DGKG: variants seen among roughly 807,000 people sequenced by gnomAD.
The protein encoded by DGKG is diacylglycerol kinase gamma.
In DGKG, 78 loss-of-function variants were observed where a neutral mutation model predicts 105.3. The ratio of observed to expected loss-of-function variants is 0.74; its 90% confidence interval spans 0.62 to 0.89. The LOEUF (loss-of-function observed/expected upper bound fraction) is 0.89, where lower values mean the gene tolerates loss of function less well. DGKG is among the 40% of genes least tolerant of loss of function. The pLI, the probability that DGKG is intolerant of heterozygous loss-of-function variation, is 0.00. For missense variants in DGKG, 958 were observed against 1,020.1 expected (o/e 0.94, Z 0.83); for synonymous variants, 346 against 367.1 (o/e 0.94, Z 0.66).
rs199698541 is a variant in DGKG, at chr3:186,272,320, G to A, written c.934C>T (p.Arg312Cys). 127 of 1,613,670 alleles carry A rather than the reference G, an allele frequency of 7.9e-5. No homozygotes were observed. The highest frequency in any genetic ancestry group is 5.6e-4 in the East Asian group (25 of 44,864). The change falls in exon 11 of 25, where the codon CGC becomes TGC. Residue 312 changes from arginine (R) to cysteine (C), a missense_variant. Arg to Cys is a radical substitution (Grantham distance 180). Coordinates refer to ENST00000265022, the MANE Select transcript of DGKG (RefSeq NM_001346.3). ...CCAGGAATGTTTCTGGACACACAGC[G>A]TTCGTGGACAGTGTATTTACAGTCT... ...CTYCKYTVHERCVSRNIPGCV... is the reference protein window; with the variant it reads ...CTYCKYTVHECCVSRNIPGCV...
chr3:186,314,005 TC>T (rs1367460080), intron 2 of DGKG, among the ~76,000 whole-genome samples: 1 of 152,234 alleles, frequency 6.6e-6, no homozygotes, highest in African/African-American at 2.4e-5. Context: ...GTTCTCTGAC[TC>T]TGACAGTTTT....
At chr3:186,288,211 G>T (rs755922625) in intron 6 of DGKG, among the ~76,000 whole-genome samples, 3 of 152,190 alleles carry the variant, frequency 2.0e-5, no homozygotes, top group Admixed American at 6.5e-5. Context: ...GGGGTGGCGG[G>T]GGGGCATAGG....
chr3:186,171,882 G>C (rs1716838927), intron 22 of DGKG, among the ~76,000 whole-genome samples: 1 of 151,306 alleles, frequency 6.6e-6, no homozygotes, highest in Non-Finnish European at 1.5e-5. Flanking sequence ...GATATTTGGA[G>C]TCTTGCTTTG....
At chr3:186,192,165 C>T (rs955764376) in intron 21 of DGKG, among the ~76,000 whole-genome samples, 16 of 152,208 alleles carry the variant, frequency 1.1e-4, no homozygotes, top group African/African-American at 3.4e-4. Flanking sequence ...CCTGTCACCA[C>T]GCCCAGCTAA....
chr3:186,279,947 C>T lies in DGKG; in HGVS notation c.696G>A (p.Met232Ile), dbSNP rs373010017. ...ACACAAAGCCGTCCCGGTCGTAGTC[C>T]ATCCCTTGCAGCATCTCCTTCAATA... ...RPILKEMLQG[M>I]DYDRDGFVSL... Residue 232 changes from methionine (M) to isoleucine (I), a missense_variant, in exon 9 of 25, where the codon ATG (methionine) becomes ATA (isoleucine). By Grantham distance (10) the Met-to-Ile change is conservative. Around this residue, in one of 2 missense-constraint regions of DGKG, gnomAD observed 643 missense variants for 619.5 expected, o/e 1.04. Coordinates refer to ENST00000265022, the MANE Select transcript of DGKG (RefSeq NM_001346.3). 6.2e-7 allele frequency: 1 copy of T among 1,614,160 alleles called. No individual in the cohort carries two copies. Among genetic ancestry groups the T allele is most frequent in the South Asian group, 1.1e-5 (1 of 91,082 alleles).
intron 3 of DGKG, among the ~76,000 whole-genome samples, chr3:186,303,731 A>C (rs960491898): frequency 6.6e-6 from 1 of 151,434 alleles, no homozygotes; most frequent in Non-Finnish European, 1.5e-5. Context: ...GTCTGCCACC[A>C]CTCTATTCTC....
At chr3:186,194,803 T>A (rs867283161) in intron 21 of DGKG, among the ~76,000 whole-genome samples, 37 of 105,398 alleles carry the variant, frequency 3.5e-4, no homozygotes, top group Middle Eastern at 0.011. Context: ...GGTCTTTCTT[T>A]AAAAAAAAAA....
At chr3:186,310,290 C>CCA (rs1553818198) in intron 2 of DGKG, among the ~76,000 whole-genome samples, 2 of 69,816 alleles carry the variant, frequency 2.9e-5, no homozygotes, top group Non-Finnish European at 5.7e-5. Context: ...AAAAAAAAAA[C>CCA]CACACACACA....
intron 21 of DGKG, among the ~76,000 whole-genome samples, chr3:186,209,931 C>T (rs1005868153): frequency 6.6e-6 from 1 of 152,304 alleles, no homozygotes; most frequent in East Asian, 1.9e-4. Context: ...ACTAAAAAGA[C>T]TCATTATGGA....
chr3:186,148,158 T>C lies in DGKG; in HGVS notation c.*1932A>G, dbSNP rs1400342996. On this transcript the variant is annotated 3_prime_UTR_variant, in exon 25 of 25. Transcript: ENST00000265022. ...GAGGGATGGAGGCCCAATGAAGCTC[T>C]GCATGGCCTTGCCCTTGGGAAAGGA... 8.1e-6 allele frequency: 8 copies of C among 985,540 alleles called. No homozygotes were observed. The highest frequency in any genetic ancestry group is 9.6e-6 in the Non-Finnish European group (8 of 830,000). 61.0% of individuals were successfully genotyped at this position (985,540 alleles called of 1,614,324 possible).
intron 12 of DGKG, among the ~76,000 whole-genome samples, chr3:186,268,237 G>A (rs1722149222): frequency 6.6e-6 from 1 of 152,204 alleles, no homozygotes; most frequent in Non-Finnish European, 1.5e-5. Flanking sequence ...CTGATACCTG[G>A]GGAGAAGGAC....
intron 1 of DGKG, among the ~76,000 whole-genome samples, chr3:186,342,412 A>G (rs1457929278): frequency 6.6e-6 from 1 of 152,188 alleles, no homozygotes; most frequent in Non-Finnish European, 1.5e-5. Flanking sequence ...CAGCAGTGAA[A>G]GTGGTCTTGT....
chr3:186,234,433 T>C (rs1249317979), intron 20 of DGKG, among the ~76,000 whole-genome samples: 1 of 152,230 alleles, frequency 6.6e-6, no homozygotes, highest in East Asian at 1.9e-4. Flanking sequence ...TCAACTCTTG[T>C]GAACTGATTA....
rs55932184 is a variant in DGKG, at chr3:186,198,462, C to T, written c.1918-10083G>A. Among the ~76,000 whole-genome samples, 390 of 152,342 alleles carry T rather than the reference C, an allele frequency of 2.6e-3. 1 individual carries two copies. The highest frequency in any genetic ancestry group is 4.5e-3 in the Non-Finnish European group (307 of 68,036). ...ATGATGAGAACCTACTTATTCTGTG[C>T]TAGACTCTAGGGATGGAGCAGAAAT... On this transcript the variant is annotated intron_variant, in intron 21 of 24. Coordinates refer to ENST00000265022, the MANE Select transcript of DGKG (RefSeq NM_001346.3).
At chr3:186,201,954 G>C (rs1578657872) in intron 21 of DGKG, among the ~76,000 whole-genome samples, 1 of 152,222 alleles carries the variant, frequency 6.6e-6, no homozygotes, top group African/African-American at 2.4e-5. Context: ...TCTAAAAGCA[G>C]GAAGGTAATG....
At chr3:186,253,450 A>G (rs1314135342) in intron 17 of DGKG, among the ~76,000 whole-genome samples, 4 of 152,182 alleles carry the variant, frequency 2.6e-5, no homozygotes, top group African/African-American at 9.7e-5. Context: ...TTCAAATTTC[A>G]TCCTAAATCT....
At chr3:186,321,108 A>G (rs1016608581) in intron 1 of DGKG, among the ~76,000 whole-genome samples, 2 of 152,188 alleles carry the variant, frequency 1.3e-5, no homozygotes, top group African/African-American at 4.8e-5. Flanking sequence ...AGCTCTGGTG[A>G]GCCATTCTGG....
chr3:186,346,771 A>G (rs1339701199), intron 1 of DGKG, among the ~76,000 whole-genome samples: 1 of 152,154 alleles, frequency 6.6e-6, no homozygotes, highest in Non-Finnish European at 1.5e-5. Context: ...AAATATCTCA[A>G]TATTTCATAA....
chr3:186,165,095 C>A (rs1560077321), intron 22 of DGKG, 77 bp from the exon 23 acceptor site: 1 of 1,496,960 alleles, frequency 6.7e-7, no homozygotes, highest in South Asian at 1.3e-5. Context: ...AAAGTCTGGT[C>A]CCCAGATGGC....
Sources: gnomAD v4.1 joint callset for allele counts (sites outside exome capture counted in the v4.1 genomes callset) on GRCh38, gnomAD v4.1.1 for gene constraint, gnomAD v4.1.1 regional missense constraint, MANE v1.5 for transcripts, NCBI Gene and HGNC (gene_info 2026-07-23, HGNC 2026-07-21) for gene names.